The following EPHA6 variants were observed in gnomAD, a reference collection of about 807,000 sequenced individuals.
The protein encoded by EPHA6 is EPH receptor A6.
A neutral mutation model predicts 112.0 loss-of-function variants in EPHA6; 50 were observed. The ratio of observed to expected loss-of-function variants is 0.45; its 90% CI spans 0.36 to 0.56. The LOEUF is 0.56. Ranked by LOEUF, EPHA6 falls within the 20% of genes least tolerant of loss-of-function variation. EPHA6 has a pLI of 0.00. For synonymous variants in EPHA6, 529 were observed against 490.7 expected (o/e 1.08, Z -1.03); for missense variants, 1,280 against 1,417.4 (o/e 0.90, Z 1.56).
chr3:97,247,848 A>G (rs933519195), intron 5 of EPHA6, among the ~76,000 whole-genome samples: 1 of 152,004 alleles, frequency 6.6e-6, no homozygotes, highest in Non-Finnish European at 1.5e-5. Flanking sequence ...TCATACTTAC[A>G]TGAGTATGGA....
At chr3:97,644,606 A>G (rs1266903324) in intron 14 of EPHA6, among the ~76,000 whole-genome samples, 6 of 152,076 alleles carry the variant, frequency 3.9e-5, no homozygotes, top group Non-Finnish European at 8.8e-5. Flanking sequence ...TAAAGGGGAT[A>G]TCACCAACGA....
chr3:96,859,159 ACCC>A (rs939278204), intron 1 of EPHA6, among the ~76,000 whole-genome samples: 1 of 150,990 alleles, frequency 6.6e-6, no homozygotes, highest in African/African-American at 2.4e-5. Context: ...ACCCACAAAC[ACCC>A]CCCCAACACA....
chr3:97,669,870 G>T (rs888502712), intron 14 of EPHA6, among the ~76,000 whole-genome samples: 22 of 152,080 alleles, frequency 1.4e-4, no homozygotes, highest in African/African-American at 5.1e-4. Context: ...AATTATTCAG[G>T]TGTGAATTAA....
In EPHA6 at chr3:97,079,046, A is replaced by C. The variant is rs531429911; in HGVS notation, c.1114+91053A>C. On this transcript the variant is annotated intron_variant, in intron 3 of 17. Transcript: ENST00000389672. ...AAAGGAATATAAATCATTCTATTACAAAGACACATGCATGTATATGTTCAT... is the reference window on the plus strand; with the variant it reads ...AAAGGAATATAAATCATTCTATTACCAAGACACATGCATGTATATGTTCAT... Among the ~76,000 whole-genome samples the C allele has an allele frequency of 3.3e-5, 5 of 152,318 alleles. No homozygotes were observed. In the South Asian group the frequency reaches 1.0e-3, roughly 32 times the overall value.
At chr3:97,573,540 CA>C (rs2093354490) in intron 11 of EPHA6, among the ~76,000 whole-genome samples, 1 of 151,822 alleles carries the variant, frequency 6.6e-6, no homozygotes, top group South Asian at 2.1e-4. Flanking sequence ...ATAATTTGTC[CA>C]AAAGTAAGGT....
chr3:97,680,990 C>T (rs374949426), intron 14 of EPHA6, among the ~76,000 whole-genome samples: 2 of 151,738 alleles, frequency 1.3e-5, no homozygotes, highest in South Asian at 2.1e-4. Flanking sequence ...TCAGGGTTAA[C>T]AAAAGGCAAA....
At chr3:96,989,358 G>C (rs979583031) in intron 3 of EPHA6, among the ~76,000 whole-genome samples, 1 of 152,132 alleles carries the variant, frequency 6.6e-6, no homozygotes, top group Non-Finnish European at 1.5e-5. Flanking sequence ...TACAAAGCAT[G>C]AATCAGCTTT....
At chr3:97,722,576 G>A (rs1474622620) in intron 15 of EPHA6, among the ~76,000 whole-genome samples, 1 of 152,028 alleles carries the variant, frequency 6.6e-6, no homozygotes, top group Non-Finnish European at 1.5e-5. Context: ...CCTCACGTAG[G>A]GCCAGTGGTT....
chr3:97,332,274 A>T (rs1320418920), intron 5 of EPHA6, among the ~76,000 whole-genome samples: 3 of 151,900 alleles, frequency 2.0e-5, no homozygotes, highest in African/African-American at 7.3e-5. Context: ...AATAAGAGCT[A>T]TCTATGACAA....
chr3:97,029,886 A>G (rs13327656), intron 3 of EPHA6, among the ~76,000 whole-genome samples: 2,774 of 152,224 alleles, frequency 0.018, 70 homozygotes, highest in African/African-American at 0.052. Context: ...ATTGAAATCT[A>G]TGAAGATGGT....
intron 3 of EPHA6, among the ~76,000 whole-genome samples, chr3:97,200,380 C>T (rs2077548940): frequency 6.6e-6 from 1 of 152,004 alleles, no homozygotes; most frequent in African/African-American, 2.4e-5. Flanking sequence ...CGGCCTCAGG[C>T]TTTTCATGTA....
At chr3:97,747,056 A>G (rs576346826) in intron 16 of EPHA6, among the ~76,000 whole-genome samples, 4 of 151,974 alleles carry the variant, frequency 2.6e-5, no homozygotes, top group African/African-American at 7.2e-5. Context: ...GGGATGGGCT[A>G]TTCCTTAAGT....
chr3:97,715,312 C>T (rs955502803), intron 14 of EPHA6, among the ~76,000 whole-genome samples: 2 of 152,132 alleles, frequency 1.3e-5, no homozygotes, highest in East Asian at 1.9e-4. Flanking sequence ...TCTAAGACTC[C>T]GAGGATTAAG....
chr3:97,642,778 T>C lies in EPHA6; in HGVS notation c.2784+4696T>C, dbSNP rs1344927997. Among the ~76,000 whole-genome samples, 5 of 151,528 alleles carry C rather than the reference T, an allele frequency of 3.3e-5. No homozygotes were observed. In the East Asian group the frequency reaches 9.8e-4, roughly 30 times the overall value. On this transcript the variant is annotated intron_variant, in intron 14 of 17. Transcript: ENST00000389672. ...AGAAATGAGCAAATCCTCCAAGAAATATGGGACTATGTGAAAAGACCAAAT... is the reference window on the plus strand; with the variant it reads ...AGAAATGAGCAAATCCTCCAAGAAACATGGGACTATGTGAAAAGACCAAAT...
chr3:97,267,995 T>TA (rs1297128639), intron 5 of EPHA6, among the ~76,000 whole-genome samples: 1 of 152,134 alleles, frequency 6.6e-6, no homozygotes, highest in African/African-American at 2.4e-5. Context: ...AGAACAAAGG[T>TA]AGGGTCTTGC....
chr3:97,529,999 C>A (rs1189203234), intron 10 of EPHA6, among the ~76,000 whole-genome samples: 3 of 151,966 alleles, frequency 2.0e-5, no homozygotes, highest in Non-Finnish European at 2.9e-5. Context: ...AGAAAAAAAT[C>A]ATATGGATTA....
chr3:96,873,188 T>G (rs985441161), intron 2 of EPHA6, among the ~76,000 whole-genome samples: 1 of 151,526 alleles, frequency 6.6e-6, no homozygotes, highest in African/African-American at 2.4e-5. Flanking sequence ...TCACTTGAAT[T>G]GGGAGGTGGA....
rs983408231 is a variant in EPHA6, at chr3:97,754,954, C to T, written c.*6253C>T. 6.6e-6 allele frequency among the ~76,000 whole-genome samples: 1 copy of T among 152,198 alleles called. No homozygotes were observed. Among genetic ancestry groups the T allele is most frequent in the Non-Finnish European group, 1.5e-5 (1 of 68,038 alleles). Reference sequence around the variant, plus strand: ...TCCTGACCTGGTGATCCAACCGCCTCGGCCTCCCAAAGTGGTGGGATTACA... The same window carrying T: ...TCCTGACCTGGTGATCCAACCGCCTTGGCCTCCCAAAGTGGTGGGATTACA... On this transcript the variant is annotated 3_prime_UTR_variant, in exon 18 of 18. Coordinates refer to ENST00000389672, the MANE Select transcript of EPHA6 (RefSeq NM_001080448.3).
intron 2 of EPHA6, among the ~76,000 whole-genome samples, chr3:96,898,901 G>A (rs1230587381): frequency 3.3e-5 from 5 of 151,474 alleles, no homozygotes; most frequent in Admixed American, 6.6e-5. Context: ...GGTGGCGCGC[G>A]CCTGTAGTCC....
Sources: gnomAD v4.1 joint callset for allele counts (sites outside exome capture counted in the v4.1 genomes callset) on GRCh38, gnomAD v4.1.1 for gene constraint, MANE v1.5 for transcripts, NCBI Gene and HGNC (gene_info 2026-07-23, HGNC 2026-07-21) for gene names.